Variants in XDH observed in about 807,000 individuals in gnomAD.
XDH encodes xanthine dehydrogenase/oxidase.
A neutral mutation model predicts 156.1 loss-of-function variants in XDH; 138 were observed. That is an observed-to-expected ratio of 0.88 (90% CI 0.77 to 1.02). The LOEUF is 1.02. Among genes scored for constraint, XDH ranks in the 50% least tolerant of loss-of-function variants. The pLI is 0.00. For missense variants in XDH, 1,849 were observed against 1,684.9 expected, an observed-to-expected ratio of 1.10 and a Z score of -1.71; for synonymous variants, 669 against 625.7, an observed-to-expected ratio of 1.07 and a Z score of -1.03.
intron 24 of XDH, among the ~76,000 whole-genome samples, chr2:31,363,129 T>C (rs1483342001): frequency 2.0e-5 from 3 of 152,110 alleles, no homozygotes; most frequent in African/African-American, 7.2e-5. Context: ...CTCATCAACA[T>C]GGTGAAACCC....
At chr2:31,357,764 G>A (rs757602420) in intron 24 of XDH, among the ~76,000 whole-genome samples, 8 of 151,812 alleles carry the variant, frequency 5.3e-5, no homozygotes, top group East Asian at 1.9e-4. Context: ...AGATATTGAC[G>A]TTACCCTGAT....
At chr2:31,358,641 C>CTCT (rs1685689188) in intron 24 of XDH, among the ~76,000 whole-genome samples, 1 of 151,894 alleles carries the variant, frequency 6.6e-6, no homozygotes, top group Non-Finnish European at 1.5e-5. Flanking sequence ...TATTAACAAG[C>CTCT]TAAAGAAGAA....
At position 31,383,797 on chromosome 2, in the gene XDH, C is replaced by T; in HGVS notation, c.844G>A (p.Ala282Thr). 1.9e-6 allele frequency: 3 copies of T among 1,614,154 alleles called. No individual in the cohort carries two copies. Among genetic ancestry groups the T allele is most frequent in the Non-Finnish European group, 2.5e-6 (3 of 1,180,032 alleles). ...NMLFPMIVCPAWIPELNSVEH... is the reference protein window; with the variant it reads ...NMLFPMIVCPTWIPELNSVEH... ...ACCGAATTCAGCTCAGGGATCCAGG[C>T]TGGGCAGACAATCATAGGAAACAGC... Residue 282 changes from alanine to threonine, a missense_variant, in exon 10 of 36, where the codon GCC (alanine) becomes ACC (threonine). Coordinates refer to ENST00000379416, the MANE Select transcript of XDH (RefSeq NM_000379.4).
intron 34 of XDH, 103 bp from the exon 35 acceptor site, chr2:31,337,920 G>C: frequency 7.6e-7 from 1 of 1,311,548 alleles, no homozygotes; most frequent in Non-Finnish European, 1.1e-6. Context: ...GCACGAGGAG[G>C]GCTGGTGGCA....
chr2:31,396,918 C>T (rs1686923826), intron 6 of XDH, among the ~76,000 whole-genome samples: 1 of 152,160 alleles, frequency 6.6e-6, no homozygotes, highest in Non-Finnish European at 1.5e-5. Context: ...CATGATGCTC[C>T]AACCCTAAAG....
intron 34 of XDH, among the ~76,000 whole-genome samples, chr2:31,339,015 G>A (rs913175413): frequency 3.9e-5 from 6 of 151,936 alleles, no homozygotes; most frequent in African/African-American, 7.3e-5. Flanking sequence ...ATGAGCCACC[G>A]CACCCAGCCT....
At chr2:31,411,957 A>AAATG (rs1553313778) in intron 1 of XDH, among the ~76,000 whole-genome samples, 2 of 150,336 alleles carry the variant, frequency 1.3e-5, no homozygotes, top group Non-Finnish European at 3.0e-5. Flanking sequence ...AATGATGAGT[A>AAATG]AGTGAGTGAG....
At chr2:31,388,008 T>C in intron 7 of XDH, 111 bp from the exon 8 acceptor site, 2 of 1,286,664 alleles carry the variant, frequency 1.6e-6, no homozygotes, top group South Asian at 1.3e-5. Context: ...CCCTGCAGGC[T>C]GCAAGAGGAG....
intron 28 of XDH, 48 bp from the exon 29 acceptor site, chr2:31,347,698 G>T: frequency 6.3e-7 from 1 of 1,596,116 alleles, no homozygotes. Context: ...TTATCATGGG[G>T]CTTGGCTGCC....
intron 24 of XDH, among the ~76,000 whole-genome samples, chr2:31,360,865 A>G (rs145667959): frequency 1.4e-5 from 2 of 147,764 alleles, no homozygotes; most frequent in African/African-American, 5.4e-5. Context: ...TATAACAAGG[A>G]GTTCAGTACT....
At chr2:31,380,260 A>T (rs927416269) in intron 12 of XDH, among the ~76,000 whole-genome samples, 6 of 152,200 alleles carry the variant, frequency 3.9e-5, no homozygotes, top group African/African-American at 1.4e-4. Context: ...CCAGGCCACC[A>T]AAGTTGCATC....
intron 13 of XDH, among the ~76,000 whole-genome samples, 182 bp downstream of exon 13, chr2:31,379,685 T>A (rs1686377099): frequency 6.6e-6 from 1 of 152,174 alleles, no homozygotes; most frequent in Admixed American, 6.5e-5. Context: ...ATCCTGCAAC[T>A]TCTCATTGTC....
chr2:31,406,779 T>C (rs1687201348), intron 1 of XDH, among the ~76,000 whole-genome samples: 2 of 152,154 alleles, frequency 1.3e-5, no homozygotes, highest in Admixed American at 1.3e-4. Flanking sequence ...TCTTTGAGTA[T>C]ACAATCTCAG....
chr2:31,401,885 A>T (rs1687070254), intron 3 of XDH, among the ~76,000 whole-genome samples: 1 of 152,190 alleles, frequency 6.6e-6, no homozygotes, highest in South Asian at 2.1e-4. Context: ...ATTCAGCATC[A>T]GTTATTGAGT....
At chr2:31,378,094 G>T (rs1686304708) in intron 13 of XDH, among the ~76,000 whole-genome samples, 1 of 58,464 alleles carries the variant, frequency 1.7e-5, no homozygotes, top group East Asian at 4.9e-4. Flanking sequence ...AAGAAAGAAA[G>T]AAAGAAAGAA....
At chr2:31,349,405 C>T (rs114259258) in intron 26 of XDH, among the ~76,000 whole-genome samples, 2,132 of 152,214 alleles carry the variant, frequency 0.014, 24 homozygotes, top group Non-Finnish European at 0.023. Flanking sequence ...CGTGTTAGTC[C>T]TAGGCCAGTG....
intron 3 of XDH, among the ~76,000 whole-genome samples, chr2:31,402,285 T>G (rs1687081196): frequency 6.6e-6 from 1 of 152,202 alleles, no homozygotes; most frequent in African/African-American, 2.4e-5. Flanking sequence ...ATCAAATAAT[T>G]TCTTTGCTTT....
chr2:31,384,555 G>A (rs552063418), intron 9 of XDH, among the ~76,000 whole-genome samples: 2 of 152,308 alleles, frequency 1.3e-5, no homozygotes, highest in East Asian at 1.9e-4. Context: ...TGAGTCAGAA[G>A]CCTCTGTTAA....
intron 3 of XDH, among the ~76,000 whole-genome samples, chr2:31,401,580 G>T (rs1687062485): frequency 6.6e-6 from 1 of 152,210 alleles, no homozygotes; most frequent in Admixed American, 6.5e-5. Context: ...AGCATCCTCA[G>T]CCTCTGAGCA....
Sources: gnomAD v4.1 joint callset for allele counts (sites outside exome capture counted in the v4.1 genomes callset) on GRCh38, gnomAD v4.1.1 for gene constraint, MANE v1.5 for transcripts, NCBI Gene and HGNC (gene_info 2026-07-23, HGNC 2026-07-21) for gene names.